The following CNTN3 variants were observed in gnomAD, a reference collection of about 807,000 sequenced individuals.
CNTN3 encodes the protein contactin-3.
In CNTN3, 60 loss-of-function variants were observed where a neutral mutation model predicts 119.1. The ratio of observed to expected loss-of-function variants is 0.50; its 90% CI spans 0.41 to 0.62. The LOEUF (loss-of-function observed/expected upper bound fraction) is 0.62. Among genes scored for constraint, CNTN3 ranks in the 20% least tolerant of loss-of-function variants. The pLI, the probability that CNTN3 is intolerant of heterozygous loss-of-function variation, is 0.00. For missense variants in CNTN3, 1,101 were observed against 1,242.4 expected (o/e 0.89, Z 1.71); for synonymous variants, 450 against 438.7 (o/e 1.03, Z -0.32).
At chr3:74,371,535 A>G (rs1704339413) in intron 5 of CNTN3, 136 bp from the exon 6 acceptor site, 1 of 640,316 alleles carries the variant, frequency 1.6e-6, no homozygotes, top group Admixed American at 2.7e-5. Context: ...CATGAAGAGA[A>G]GCAGTTAAGT....
intron 1 of CNTN3, among the ~76,000 whole-genome samples, chr3:74,567,704 C>T (rs1704249123): frequency 6.6e-6 from 1 of 151,994 alleles, no homozygotes; most frequent in Admixed American, 6.6e-5. Flanking sequence ...GTCGATGATG[C>T]TTCTGGGTAC....
chr3:74,488,266 C>T (rs1034291776), intron 3 of CNTN3, among the ~76,000 whole-genome samples: 3 of 151,946 alleles, frequency 2.0e-5, no homozygotes, highest in African/African-American at 7.2e-5. Flanking sequence ...GCGCCCGACA[C>T]CACGCCTGGC....
chr3:74,439,604 G>A lies in CNTN3; in HGVS notation c.359-14664C>T, dbSNP rs77585583. On this transcript the variant is annotated intron_variant, in intron 4 of 22. Coordinates refer to ENST00000263665, the MANE Select transcript of CNTN3 (RefSeq NM_020872.3). ...ATTTACATAAGCAAACCAAGGACAA[G>A]AGAGATTAGGTTTTGCCTAAAATCA... Among the ~76,000 whole-genome samples the A allele has an allele frequency of 4.4e-3, 677 of 152,268 alleles. 4 individuals carry two copies. The highest frequency in any genetic ancestry group is 0.015 in the African/African-American group (623 of 41,546).
At chr3:74,541,582 A>T (rs1703843795) in intron 1 of CNTN3, among the ~76,000 whole-genome samples, 1 of 152,230 alleles carries the variant, frequency 6.6e-6, no homozygotes, top group Admixed American at 6.5e-5. Context: ...AGGAAAAGCA[A>T]GAAAATAATA....
chr3:74,293,940 C>A (rs1387126342), intron 19 of CNTN3, among the ~76,000 whole-genome samples: 1 of 152,182 alleles, frequency 6.6e-6, no homozygotes, highest in African/African-American at 2.4e-5. Context: ...GCATTACACT[C>A]ACTAACTATA....
chr3:74,572,832 GC>G (rs1397118110), intron 1 of CNTN3, among the ~76,000 whole-genome samples: 2 of 152,214 alleles, frequency 1.3e-5, no homozygotes, highest in Admixed American at 6.5e-5. Flanking sequence ...GCCAGGGGAA[GC>G]CCAGGACAAG....
At chr3:74,586,218 G>A (rs577207651) in intron 1 of CNTN3, among the ~76,000 whole-genome samples, 1 of 152,180 alleles carries the variant, frequency 6.6e-6, no homozygotes, top group Non-Finnish European at 1.5e-5. Flanking sequence ...AACCTCTTAT[G>A]AAAATATTTG....
At chr3:74,603,934 A>C (rs1704951516) in intron 1 of CNTN3, among the ~76,000 whole-genome samples, 1 of 152,194 alleles carries the variant, frequency 6.6e-6, no homozygotes, top group Non-Finnish European at 1.5e-5. Flanking sequence ...AAGCACAGCA[A>C]TCAAAACAGC....
At chr3:74,394,541 T>C (rs1362677228) in intron 5 of CNTN3, among the ~76,000 whole-genome samples, 1 of 152,134 alleles carries the variant, frequency 6.6e-6, no homozygotes. Flanking sequence ...ACTATGAAGA[T>C]GATCATTGTT....
chr3:74,463,549 T>C (rs1702409155), intron 4 of CNTN3, among the ~76,000 whole-genome samples: 1 of 152,120 alleles, frequency 6.6e-6, no homozygotes, highest in South Asian at 2.1e-4. Flanking sequence ...GATTCTGGAT[T>C]TCCTACACAA....
intron 1 of CNTN3, among the ~76,000 whole-genome samples, chr3:74,573,168 A>C (rs1470706176): frequency 2.0e-5 from 3 of 152,206 alleles, no homozygotes; most frequent in Non-Finnish European, 2.9e-5. Context: ...CCTAGTCAAC[A>C]TGAATGTATT....
intron 1 of CNTN3, among the ~76,000 whole-genome samples, chr3:74,526,218 CA>C (rs56276632): frequency 1.3e-5 from 2 of 150,268 alleles, no homozygotes; most frequent in Non-Finnish European, 3.0e-5. Flanking sequence ...TAATCTTCAC[CA>C]AAAAAAAACT....
At chr3:74,294,345 T>C (rs1401088370) in intron 19 of CNTN3, among the ~76,000 whole-genome samples, 1 of 152,206 alleles carries the variant, frequency 6.6e-6, no homozygotes, top group Non-Finnish European at 1.5e-5. Flanking sequence ...TGGTTCTTCT[T>C]AGCCTTTAAA....
chr3:74,549,858 T>C (rs1213537246), intron 1 of CNTN3, among the ~76,000 whole-genome samples: 2 of 152,166 alleles, frequency 1.3e-5, no homozygotes, highest in Non-Finnish European at 2.9e-5. Context: ...CAAGTTCCAA[T>C]GAGAGAATCA....
chr3:74,501,924 A>T, intron 2 of CNTN3, among the ~76,000 whole-genome samples: 1 of 152,268 alleles, frequency 6.6e-6, no homozygotes, highest in East Asian at 1.9e-4. Context: ...CCCCTCAACC[A>T]ATTCACTGAA....
chr3:74,264,661 T>C (rs1211768960), intron 22 of CNTN3, among the ~76,000 whole-genome samples, 160 bp from the exon 23 acceptor site: 3 of 152,120 alleles, frequency 2.0e-5, no homozygotes, highest in African/African-American at 7.2e-5. Context: ...GAGGTGACAC[T>C]GAATCTGCCA....
chr3:74,417,989 CA>C (rs1701551888), intron 5 of CNTN3, among the ~76,000 whole-genome samples: 3 of 152,138 alleles, frequency 2.0e-5, no homozygotes, highest in African/African-American at 7.2e-5. Flanking sequence ...TTCTATTGTA[CA>C]GATGCCAATT....
intron 19 of CNTN3, among the ~76,000 whole-genome samples, chr3:74,288,139 TTTTTCTTTTC>T (rs1162272825): frequency 6.8e-6 from 1 of 148,090 alleles, no homozygotes; most frequent in African/African-American, 2.6e-5. Context: ...TTTGACATCT[TTTTTCTTTTC>T]TTTTCTTTTC....
chr3:74,416,164 A>G (rs1701517044), intron 5 of CNTN3, among the ~76,000 whole-genome samples: 1 of 150,402 alleles, frequency 6.6e-6, no homozygotes, highest in Admixed American at 6.6e-5. Context: ...TCCCAGCCAG[A>G]CAATCCCCCA....
Sources: gnomAD v4.1 joint callset for allele counts (sites outside exome capture counted in the v4.1 genomes callset) on GRCh38, gnomAD v4.1.1 for gene constraint, MANE v1.5 for transcripts, NCBI Gene and HGNC (gene_info 2026-07-23, HGNC 2026-07-21) for gene names.